Variants in ABCB7 observed in about 807,000 individuals in gnomAD.
The protein encoded by ABCB7 is ATP binding cassette subfamily B member 7.
Under a neutral mutation model 54.4 loss-of-function variants are expected in ABCB7, and 7 were observed. The observed-to-expected ratio is 0.13, with a 90% CI of 0.07 to 0.24. The LOEUF (loss-of-function observed/expected upper bound fraction) is 0.24. Among genes scored for constraint, ABCB7 ranks in the 10% least tolerant of loss-of-function variants. ABCB7 has a pLI of 1.00. For synonymous variants in ABCB7, 218 were observed against 207.1 expected (o/e 1.05, Z -0.45); for missense variants, 356 against 570.4 (o/e 0.62, Z 3.83).
intron 1 of ABCB7, among the ~76,000 whole-genome samples, chrX:75,147,866 A>T (rs1234652361): frequency 8.9e-6 from 1 of 112,617 alleles, no homozygotes. Context: ...CTGTAATCCC[A>T]GCACTTTGGA....
chrX:75,118,562 T>C (rs1294034166), intron 1 of ABCB7, among the ~76,000 whole-genome samples: 1 of 111,261 alleles, frequency 9.0e-6, no homozygotes, highest in Non-Finnish European at 1.9e-5. Flanking sequence ...GACTAAGAAG[T>C]AGATAAGATT....
intron 3 of ABCB7, among the ~76,000 whole-genome samples, chrX:75,111,245 T>C (rs1277226693): frequency 8.9e-6 from 1 of 112,460 alleles, no homozygotes; most frequent in Non-Finnish European, 1.9e-5. Context: ...TTGTCTTGCA[T>C]ATCTCCAGTA....
intron 1 of ABCB7, among the ~76,000 whole-genome samples, chrX:75,145,881 C>T (rs2082087035): frequency 9.0e-6 from 1 of 111,624 alleles, no homozygotes; most frequent in Admixed American, 9.5e-5. Context: ...TAAACAACTT[C>T]AGCAAAGTCT....
chrX:75,152,852 G>T (rs1227569005), intron 1 of ABCB7, among the ~76,000 whole-genome samples: 1 of 109,423 alleles, frequency 9.1e-6, no homozygotes, highest in East Asian at 2.9e-4. Flanking sequence ...TATGGACGGG[G>T]TTTCACCATA....
At chrX:75,057,934 C>G (rs183818098) in intron 15 of ABCB7, among the ~76,000 whole-genome samples, 2 of 110,490 alleles carry the variant, frequency 1.8e-5, no homozygotes, top group East Asian at 5.7e-4. Context: ...TTTTGATTTT[C>G]AGTTAATCTC....
At chrX:75,127,374 G>C (rs765201594) in intron 1 of ABCB7, among the ~76,000 whole-genome samples, 1 of 111,345 alleles carries the variant, frequency 9.0e-6, no homozygotes, top group Non-Finnish European at 1.9e-5. Context: ...CATGCCAAAA[G>C]CTCTCAATAA....
chrX:75,085,706 C>T (rs2081491604), intron 4 of ABCB7, among the ~76,000 whole-genome samples: 1 of 110,889 alleles, frequency 9.0e-6, no homozygotes, highest in South Asian at 3.8e-4. Context: ...AAAAATCAAC[C>T]CAATATGAAG....
intron 1 of ABCB7, among the ~76,000 whole-genome samples, chrX:75,133,154 T>C (rs1357095190): frequency 6.2e-5 from 7 of 112,191 alleles, no homozygotes; most frequent in Non-Finnish European, 9.4e-5. Flanking sequence ...ATGAGCTAAA[T>C]AGCTGAAAAA....
intron 1 of ABCB7, among the ~76,000 whole-genome samples, chrX:75,153,818 A>G (rs1456995997): frequency 9.6e-6 from 1 of 103,942 alleles, no homozygotes; most frequent in Non-Finnish European, 2.0e-5. Context: ...AGTTCATGAA[A>G]CAATACTTCA....
chrX:75,073,273 T>C (rs1193386759), intron 8 of ABCB7, among the ~76,000 whole-genome samples: 1 of 111,847 alleles, frequency 8.9e-6, no homozygotes, highest in Non-Finnish European at 1.9e-5. Flanking sequence ...AAATGATGGG[T>C]CGCGCAGCTG....
intron 14 of ABCB7, among the ~76,000 whole-genome samples, chrX:75,060,663 C>T (rs1372510915): frequency 9.0e-6 from 1 of 111,201 alleles, no homozygotes; most frequent in Non-Finnish European, 1.9e-5. Flanking sequence ...AACATAGCCA[C>T]ATATAATGTT....
At chrX:75,132,426 C>G (rs770184675) in intron 1 of ABCB7, among the ~76,000 whole-genome samples, 1 of 113,137 alleles carries the variant, frequency 8.8e-6, no homozygotes, top group Non-Finnish European at 1.9e-5. Context: ...GGCAGAGCCC[C>G]AAGGAACAAG....
intron 1 of ABCB7, among the ~76,000 whole-genome samples, chrX:75,154,451 T>C (rs2082157780): frequency 8.9e-6 from 1 of 112,161 alleles, no homozygotes; most frequent in Non-Finnish European, 1.9e-5. Flanking sequence ...ACAAAAACCA[T>C]TCCCAAGAGA....
chrX:75,155,831 A>G (rs1275439486), intron 1 of ABCB7, among the ~76,000 whole-genome samples: 1 of 111,094 alleles, frequency 9.0e-6, no homozygotes, highest in Non-Finnish European at 1.9e-5. Context: ...CCCAACTCTT[A>G]ATATGAGAGA....
In ABCB7 at chrX:75,053,478, G is replaced by C. The variant is rs758530677; in HGVS notation, c.2151C>G (p.Asn717Lys). The C allele has an allele frequency of 8.3e-7, 1 of 1,210,754 alleles. No homozygotes were observed. Among genetic ancestry groups the C allele is most frequent in the Non-Finnish European group, 1.1e-6 (1 of 895,017 alleles). Reference protein sequence around the residue: ...TQSSRVQNHDNPKWEAKKENI... With the variant: ...TQSSRVQNHDKPKWEAKKENI... ...TTTCTTTCTTTGCTTCCCATTTGGG[G>C]TTATCATGGTTCTGCACACGGCTGC... is the stretch of plus-strand genomic sequence containing the variant. The change falls in exon 16 of 16, where the codon AAC becomes AAG. Residue 717 changes from asparagine (N) to lysine (K), a missense_variant. By Grantham distance (94) the Asn-to-Lys change is moderately conservative. Around this residue, in one of 2 missense-constraint regions of ABCB7, gnomAD observed 241 missense variants for 470.9 expected, o/e 0.51. Coordinates refer to ENST00000373394, the MANE Select transcript of ABCB7 (RefSeq NM_001271696.3).
chrX:75,071,204 T>A (rs1312824764), intron 9 of ABCB7, among the ~76,000 whole-genome samples: 2 of 110,577 alleles, frequency 1.8e-5, no homozygotes, highest in Non-Finnish European at 3.8e-5. Context: ...TCAATTACAT[T>A]GCTTTACAGG....
chrX:75,108,359 G>A (rs1003784803), intron 3 of ABCB7, among the ~76,000 whole-genome samples: 6 of 111,520 alleles, frequency 5.4e-5, no homozygotes, highest in African/African-American at 2.0e-4. Context: ...CATAGTCCCA[G>A]GGACTTACCA....
intron 4 of ABCB7, among the ~76,000 whole-genome samples, chrX:75,098,695 T>C (rs775508496): frequency 2.4e-4 from 27 of 111,783 alleles, no homozygotes; most frequent in African/African-American, 8.8e-4. Context: ...TTACAATCAA[T>C]GCTCCTATAT....
intron 1 of ABCB7, among the ~76,000 whole-genome samples, chrX:75,139,259 T>C (rs1243281176): frequency 8.9e-6 from 1 of 111,756 alleles, no homozygotes; most frequent in Admixed American, 9.5e-5. Flanking sequence ...TCTATGTTGA[T>C]CTGACACCAA....
Sources: allele counts gnomAD v4.1 joint callset (sites outside exome capture counted in the v4.1 genomes callset), GRCh38; gene constraint gnomAD v4.1.1; regional missense constraint gnomAD v4.1.1; transcripts MANE v1.5; gene names NCBI Gene and HGNC (gene_info 2026-07-23, HGNC 2026-07-21).